Variants in ITIH5 observed in about 807,000 individuals in gnomAD.
ITIH5 encodes the protein inter-alpha-trypsin inhibitor heavy chain 5.
In ITIH5, 65 loss-of-function variants were observed where a neutral mutation model predicts 77.5. That is an observed-to-expected ratio of 0.84 (90% CI 0.69 to 1.03). ITIH5 has a LOEUF of 1.03. ITIH5 is among the 50% of genes least tolerant of loss of function. The pLI is 0.00. For synonymous variants in ITIH5, 525 were observed against 494.3 expected, an observed-to-expected ratio of 1.06 and a Z score of -0.82; for missense variants, 1,208 against 1,213.1, an observed-to-expected ratio of 1.00 and a Z score of 0.06.
At chr10:7,609,366 TAATGATC>T (rs1833194935) in intron 7 of ITIH5, 3 of 445,538 alleles carry the variant, frequency 6.7e-6, no homozygotes, top group Non-Finnish European at 9.0e-6. Flanking sequence ...ATGCATATTG[TAATGATC>T]AAACACAAGA....
chr10:7,575,957 GTAATGCACATACAAC>G (rs1237582885), intron 10 of ITIH5, among the ~76,000 whole-genome samples: 2 of 152,150 alleles, frequency 1.3e-5, no homozygotes, highest in Non-Finnish European at 2.9e-5. Flanking sequence ...ACAGTGTATA[GTAATGCACATACAAC>G]AGTCTACAAT....
Position 7,561,075 on chromosome 10 carries a change from G to C in ITIH5, c.*2008C>G, listed in dbSNP as rs941413031. ...AAAAAAAAGATCTACACGTAAAGAA[G>C]AGGAAGAAAAAAGGTGATATTTTTC... On this transcript the variant is annotated 3_prime_UTR_variant, in exon 14 of 14. Coordinates refer to ENST00000397146, the MANE Select transcript of ITIH5 (RefSeq NM_030569.7). 6.8e-6 allele frequency: 1 copy of C among 147,636 alleles called. No homozygotes were observed. The highest frequency in any genetic ancestry group is 1.5e-5 in the Non-Finnish European group (1 of 67,020). The allele number at this position is 147,636 out of a possible 1,614,324, so 9.1% of individuals were successfully genotyped here.
At chr10:7,648,971 G>C (rs915822195) in intron 2 of ITIH5, among the ~76,000 whole-genome samples, 1 of 152,110 alleles carries the variant, frequency 6.6e-6, no homozygotes, top group African/African-American at 2.4e-5. Context: ...TCTCCCAGGA[G>C]CCCCTGCTCT....
chr10:7,565,340 A>T (rs1832127520), intron 13 of ITIH5, among the ~76,000 whole-genome samples: 2 of 149,730 alleles, frequency 1.3e-5, no homozygotes, highest in Admixed American at 6.7e-5. Context: ...ACATACAAAG[A>T]TGGTATACAT....
intron 7 of ITIH5, among the ~76,000 whole-genome samples, chr10:7,597,614 G>T (rs1832932472): frequency 7.2e-6 from 1 of 139,554 alleles, no homozygotes; most frequent in African/African-American, 2.6e-5. Flanking sequence ...AGTCACCTTG[G>T]AGTCACCCCC....
intron 7 of ITIH5, among the ~76,000 whole-genome samples, chr10:7,599,765 A>G (rs1832978663): frequency 6.6e-6 from 1 of 152,268 alleles, no homozygotes; most frequent in African/African-American, 2.4e-5. Context: ...CAATTATTTA[A>G]GAAGTAAACA....
intron 1 of ITIH5, among the ~76,000 whole-genome samples, chr10:7,662,251 G>C (rs567167713): frequency 6.6e-6 from 1 of 152,068 alleles, no homozygotes; most frequent in Non-Finnish European, 1.5e-5. Flanking sequence ...CAGCTACTTG[G>C]GAGGCTGAGG....
At chr10:7,620,563 G>T (rs1833458355) in intron 5 of ITIH5, 1 of 152,178 alleles carries the variant, frequency 6.6e-6, no homozygotes, top group African/African-American at 2.4e-5. Context: ...CTGTACACAT[G>T]ACATTTGTAC....
chr10:7,566,453 G>C (rs773193670), intron 12 of ITIH5, 46 bp from the exon 13 acceptor site: 56 of 1,544,628 alleles, frequency 3.6e-5, no homozygotes, highest in Non-Finnish European at 4.7e-5. Flanking sequence ...ATCTGACCAG[G>C]AGTGGTGGCT....
intron 7 of ITIH5, among the ~76,000 whole-genome samples, chr10:7,612,887 A>AG (rs1833278692): frequency 6.6e-6 from 1 of 152,200 alleles, no homozygotes; most frequent in African/African-American, 2.4e-5. Context: ...TTCTTCTGTC[A>AG]GCATCGATCA....
intron 8 of ITIH5, among the ~76,000 whole-genome samples, chr10:7,581,337 C>T (rs1005522877): frequency 6.6e-6 from 1 of 151,914 alleles, no homozygotes; most frequent in African/African-American, 2.4e-5. Flanking sequence ...AAAATTTTAT[C>T]AGGAATATGT....
At chr10:7,580,234 C>T (rs1210948662) in intron 8 of ITIH5, among the ~76,000 whole-genome samples, 170 bp from the exon 9 acceptor site, 1 of 152,218 alleles carries the variant, frequency 6.6e-6, no homozygotes, top group Non-Finnish European at 1.5e-5. Flanking sequence ...GATTCTCCCG[C>T]CTCAGCCTCC....
intron 7 of ITIH5, among the ~76,000 whole-genome samples, chr10:7,613,114 G>A (rs997019404): frequency 3.9e-5 from 6 of 152,022 alleles, no homozygotes; most frequent in Non-Finnish European, 7.4e-5. Flanking sequence ...GCATGGTGGC[G>A]AGCACCTGTA....
chr10:7,598,311 G>A (rs991226208), intron 7 of ITIH5, among the ~76,000 whole-genome samples: 6 of 152,120 alleles, frequency 3.9e-5, no homozygotes, highest in East Asian at 3.8e-4. Context: ...AAACTAGAAC[G>A]ATTTTTCTAC....
chr10:7,575,465 G>C (rs150161173), intron 10 of ITIH5, among the ~76,000 whole-genome samples: 73 of 152,312 alleles, frequency 4.8e-4, no homozygotes, highest in African/African-American at 1.7e-3. Flanking sequence ...TCTCCTAGGA[G>C]AGAGAACTTG....
intron 2 of ITIH5, among the ~76,000 whole-genome samples, chr10:7,646,169 A>ACAGATG (rs1412038542): frequency 6.6e-6 from 1 of 152,244 alleles, no homozygotes; most frequent in African/African-American, 2.4e-5. Flanking sequence ...TCTGATTTCT[A>ACAGATG]CAGATGCATG....
intron 12 of ITIH5, chr10:7,569,062 G>A (rs1165763514): frequency 1.6e-5 from 2 of 122,718 alleles, no homozygotes; most frequent in East Asian, 2.4e-4. Context: ...TTTCACCCAG[G>A]CTGGAGTGCA....
At chr10:7,637,695 G>A (rs556153623) in intron 4 of ITIH5, among the ~76,000 whole-genome samples, 1 of 152,228 alleles carries the variant, frequency 6.6e-6, no homozygotes, top group Non-Finnish European at 1.5e-5. Context: ...AAAGAATACC[G>A]ACCAGGAGAG....
intron 13 of ITIH5, among the ~76,000 whole-genome samples, chr10:7,565,820 T>C (rs934715363): frequency 6.7e-6 from 1 of 149,668 alleles, no homozygotes; most frequent in African/African-American, 2.4e-5. Context: ...ATATGTATAG[T>C]ATATAATACA....
Sources: gnomAD v4.1 joint callset for allele counts (sites outside exome capture counted in the v4.1 genomes callset) on GRCh38, gnomAD v4.1.1 for gene constraint, MANE v1.5 for transcripts, NCBI Gene and HGNC (gene_info 2026-07-23, HGNC 2026-07-21) for gene names.